MYT1: variants seen among roughly 807,000 people sequenced by gnomAD.
MYT1 encodes the protein myelin transcription factor I.
Under a neutral mutation model 123.0 loss-of-function variants are expected in MYT1, and 23 were observed. The observed-to-expected ratio is 0.19, with a 90% CI of 0.13 to 0.26. MYT1 has a LOEUF of 0.26. Among genes scored for constraint, MYT1 ranks in the 10% least tolerant of loss-of-function variants. The probability of loss-of-function intolerance (pLI) is 1.00; values close to 1 mark genes in which losing one functional copy is unlikely to be tolerated. For missense variants in MYT1, 1,125 were observed against 1,472.5 expected (o/e 0.76, Z 3.86); for synonymous variants, 518 against 575.3 (o/e 0.90, Z 1.43).
At chr20:64,226,254 A>C (rs1163277008) in intron 16 of MYT1, among the ~76,000 whole-genome samples, 2 of 151,910 alleles carry the variant, frequency 1.3e-5, no homozygotes, top group Non-Finnish European at 2.9e-5. Context: ...CCCCAAAAAA[A>C]CTCCTAGGGG....
intron 1 of MYT1, among the ~76,000 whole-genome samples, chr20:64,181,814 A>T (rs1450526260): frequency 6.6e-6 from 1 of 152,212 alleles, no homozygotes; most frequent in Non-Finnish European, 1.5e-5. Flanking sequence ...TGAGAGGCAG[A>T]TGCTGGACCT....
intron 4 of MYT1, among the ~76,000 whole-genome samples, chr20:64,204,702 C>T (rs1048453528): frequency 1.3e-5 from 2 of 152,152 alleles, no homozygotes; most frequent in South Asian, 2.1e-4. Flanking sequence ...AGAGGGGTGC[C>T]GTGTTCAGGG....
rs892601722 is a variant in MYT1, at chr20:64,205,223, C to T, written c.149+126C>T. On this transcript the variant is annotated intron_variant, in intron 5 of 22. Transcript: ENST00000328439. ...CAAGGCCAGGCTGCTGACCCTTCTG[C>T]GAGGCAGCGACCTCCCACTCTAGCG... The T allele has an allele frequency of 8.4e-5, 96 of 1,143,168 alleles. No individual in the cohort carries two copies. In the Middle Eastern group the frequency reaches 9.9e-4, roughly 12 times the overall value. The allele number at this position is 1,143,168 out of a possible 1,614,324, so 70.8% of individuals were successfully genotyped here.
At position 64,166,489 on chromosome 20, in the gene MYT1, C is replaced by T. The variant is rs1215734694; in HGVS notation, c.-99+1750C>T. ...AGAGGCCTTTCTGCTCTGGAACAGC[C>T]TCGGCTCTGACCTCCTTGGGCCATG... On this transcript the variant is annotated intron_variant, in intron 1 of 22. Coordinates refer to ENST00000328439, the MANE Select transcript of MYT1 (RefSeq NM_004535.3). This position sits in a 1 kb window ranked among gnomAD's most constrained non-coding sequence, Gnocchi z 4.9. 6.6e-6 allele frequency among the ~76,000 whole-genome samples: 1 copy of T among 152,128 alleles called. No individual in the cohort carries two copies. Among genetic ancestry groups the T allele is most frequent in the Non-Finnish European group, 1.5e-5 (1 of 68,024 alleles).
At chr20:64,200,348 C>G (rs143278474) in intron 4 of MYT1, among the ~76,000 whole-genome samples, 1,875 of 152,328 alleles carry the variant, frequency 0.012, 31 homozygotes, top group African/African-American at 0.042. Context: ...GCTCGGGATG[C>G]AAACAGCAGT....
intron 10 of MYT1, 107 bp from the exon 11 acceptor site, chr20:64,216,960 C>A: frequency 9.6e-7 from 1 of 1,043,374 alleles, no homozygotes; most frequent in Non-Finnish European, 1.4e-6. Flanking sequence ...CCTTCCTCAC[C>A]AGACGCTGTG....
chr20:64,182,659 C>G (rs1227455698), intron 1 of MYT1, among the ~76,000 whole-genome samples: 1 of 152,180 alleles, frequency 6.6e-6, no homozygotes, highest in African/African-American at 2.4e-5. Context: ...CCTGTTGTAT[C>G]CCTGGACCCA....
At chr20:64,180,915 G>A (rs945519412) in intron 1 of MYT1, among the ~76,000 whole-genome samples, 5 of 152,096 alleles carry the variant, frequency 3.3e-5, no homozygotes, top group East Asian at 1.9e-4. Context: ...CCTTACTCGC[G>A]GTTCAATGCT....
chr20:64,219,080 G>A (rs760595316), intron 12 of MYT1, 45 bp downstream of exon 12: 1 of 1,566,198 alleles, frequency 6.4e-7, no homozygotes, highest in Non-Finnish European at 8.7e-7. Flanking sequence ...AGGTGAGTTG[G>A]TGGAATTTGC....
intron 4 of MYT1, among the ~76,000 whole-genome samples, chr20:64,201,047 G>T (rs1482173058): frequency 2.0e-5 from 3 of 152,204 alleles, no homozygotes; most frequent in East Asian, 3.8e-4. Context: ...GAGGTGCCAC[G>T]TGGAGTCGCC....
intron 1 of MYT1, among the ~76,000 whole-genome samples, chr20:64,180,166 C>A (rs1601701583): frequency 6.6e-6 from 1 of 151,936 alleles, no homozygotes; most frequent in African/African-American, 2.4e-5. Context: ...ACATGCTACA[C>A]AGTTACATGC....
rs756238167 is a variant in MYT1, at chr20:64,232,431, C to T, written c.2897+46C>T. 1.9e-6 allele frequency: 3 copies of T among 1,582,236 alleles called. No homozygotes were observed. Among genetic ancestry groups the T allele is most frequent in the African/African-American group, 1.3e-5 (1 of 74,276 alleles). ...TGCCCCTCTGTGCAGTCAGTAGGGA[C>T]CCTCGCCTGGGGCCTGGGGCTGAAG... On this transcript the variant is annotated intron_variant, in intron 19 of 22. Transcript: ENST00000328439. This position sits in a 1 kb window ranked among gnomAD's most constrained non-coding sequence, Gnocchi z 6.9.
rs796222501 is a variant in MYT1, at chr20:64,207,652, C to T, written c.456C>T (p.Ser152=). The change falls in exon 7 of 23, where the codon TCC becomes TCT. Residue 152 remains serine (S), a synonymous_variant. Coordinates refer to ENST00000328439, the MANE Select transcript of MYT1 (RefSeq NM_004535.3). ...ACCCCATCGGCAGCGCCACTGCCTC[C>T]TCCAAGGGCAGCTACAGCAGCTACC... ...GSNPIGSATA[S]SKGSYSSYQG... 4.3e-6 allele frequency: 7 copies of T among 1,614,036 alleles called. No homozygotes were observed. The African/African-American group carries it at 9.3e-5, about 22-fold the overall frequency.
rs1275985111 is a variant in MYT1 at position 64,203,648 on chromosome 20, A to C, written c.87-1387A>C. On this transcript the variant is annotated intron_variant, in intron 4 of 22. Coordinates refer to ENST00000328439, the MANE Select transcript of MYT1 (RefSeq NM_004535.3). This position sits in a 1 kb window ranked among gnomAD's most constrained non-coding sequence, Gnocchi z 5.1. Reference sequence around the variant, plus strand: ...GCTGCAGAGAACATCCCCCTCCCCCACCCCATGGCTGCTGTTGAGCCAGGG... The same window carrying C: ...GCTGCAGAGAACATCCCCCTCCCCCCCCCCATGGCTGCTGTTGAGCCAGGG... Among the ~76,000 whole-genome samples the C allele has an allele frequency of 6.7e-6, 1 of 150,106 alleles. No individual in the cohort carries two copies. Among genetic ancestry groups the C allele is most frequent in the Admixed American group, 6.6e-5 (1 of 15,076 alleles).
chr20:64,182,458 G>A (rs1982682230), intron 1 of MYT1, among the ~76,000 whole-genome samples: 2 of 152,374 alleles, frequency 1.3e-5, no homozygotes, highest in Non-Finnish European at 2.9e-5. Flanking sequence ...AGCACTGGCC[G>A]AGGTGGGAGG....
In MYT1 at chr20:64,222,986, G is replaced by C. The variant is rs1467540345; in HGVS notation, c.2397-125G>C. 4.1e-6 allele frequency: 4 copies of C among 986,348 alleles called. No homozygotes were observed. In the African/African-American group the frequency reaches 6.3e-5, roughly 16 times the overall value. The allele number at this position is 986,348 out of a possible 1,614,324, so 61.1% of individuals were successfully genotyped here. A position where few individuals can be genotyped will look rare whatever the true frequency, so the allele number is the denominator to read the frequency against. ...GCTGTCCTCCAAGGACTGAGTGGAGGAGGGGCCACCGCTTGGCTCGCGGGT... is the reference window on the plus strand; with the variant it reads ...GCTGTCCTCCAAGGACTGAGTGGAGCAGGGGCCACCGCTTGGCTCGCGGGT... On this transcript the variant is annotated intron_variant, in intron 14 of 22. Transcript: ENST00000328439.
rs1386968789 is a variant in MYT1, at chr20:64,189,340, G to T, written c.-98-723G>T. Among the ~76,000 whole-genome samples the T allele has an allele frequency of 6.6e-6, 1 of 152,246 alleles. No individual in the cohort carries two copies. The highest frequency in any genetic ancestry group is 1.5e-5 in the Non-Finnish European group (1 of 68,042). ...TTGTCATGGAAACGGGGAGTGACGT[G>T]CAGGGAATAGGTACACAATGCGTTT... On this transcript the variant is annotated intron_variant, in intron 1 of 22. Transcript: ENST00000328439. The surrounding 1 kb of genome is among the most constrained non-coding windows in gnomAD (Gnocchi z 5.5).
intron 1 of MYT1, among the ~76,000 whole-genome samples, chr20:64,169,796 A>T (rs1982194442): frequency 6.6e-6 from 1 of 152,198 alleles, no homozygotes; most frequent in Non-Finnish European, 1.5e-5. Context: ...GCAGAGAAAC[A>T]CGTTTGACGC....
chr20:64,183,809 A>G (rs1464904933), intron 1 of MYT1, among the ~76,000 whole-genome samples: 2 of 152,054 alleles, frequency 1.3e-5, no homozygotes, highest in Non-Finnish European at 2.9e-5. Flanking sequence ...TTTTCACCAT[A>G]TTGATAGTGT....
Sources: gnomAD v4.1 joint callset for allele counts (sites outside exome capture counted in the v4.1 genomes callset) on GRCh38, gnomAD v4.1.1 for gene constraint, Gnocchi (gnomAD v3.1) non-coding constraint, MANE v1.5 for transcripts, NCBI Gene and HGNC (gene_info 2026-07-23, HGNC 2026-07-21) for gene names.